ADGRL2: variants seen among roughly 807,000 people sequenced by gnomAD.
ADGRL2 encodes the protein calcium-independent alpha-latrotoxin receptor 2.
ADGRL2 carries 44 observed loss-of-function variants against 157.4 expected under a neutral mutation model. The observed-to-expected ratio is 0.28, with a 90% CI of 0.22 to 0.36. The LOEUF is 0.36. ADGRL2 is among the 10% of genes least tolerant of loss of function. The pLI is 1.00. For synonymous variants in ADGRL2, 585 were observed against 624.7 expected (o/e 0.94, Z 0.95); for missense variants, 1,510 against 1,768.9 (o/e 0.85, Z 2.63).
At chr1:81,762,818 C>T (rs544953563) in intron 2 of ADGRL2, among the ~76,000 whole-genome samples, 6 of 151,636 alleles carry the variant, frequency 4.0e-5, no homozygotes, top group Admixed American at 1.3e-4. Flanking sequence ...TTTGAGAGGC[C>T]GAGGCAGGCA....
chr1:81,328,924 C>T (rs185611914), intron 1 of ADGRL2, among the ~76,000 whole-genome samples: 1 of 150,870 alleles, frequency 6.6e-6, no homozygotes, highest in East Asian at 2.0e-4. Context: ...TTTTCATTTC[C>T]TTTGTTATTA....
chr1:81,501,412 A>G lies in ADGRL2; in HGVS notation c.-248+56323A>G, dbSNP rs76111081. Among the ~76,000 whole-genome samples, 1,371 of 152,314 alleles carry G rather than the reference A, an allele frequency of 9.0e-3. 9 individuals are homozygous for G. The highest frequency in any genetic ancestry group is 0.012 in the African/African-American group (509 of 41,572). On this transcript the variant is annotated intron_variant, in intron 2 of 24. Coordinates refer to the ADGRL2 transcript ENST00000370721. The stretch of plus-strand genomic sequence containing the variant: ...ATCTCCTATGTGTGTTGAGAGTTCA[A>G]TGCAAGTTATTTCTGCTTAGAGCTG...
At chr1:81,820,294 A>G (rs2090853674) in intron 1 of ADGRL2, among the ~76,000 whole-genome samples, 1 of 152,186 alleles carries the variant, frequency 6.6e-6, no homozygotes, top group African/African-American at 2.4e-5. Flanking sequence ...GCATGGATAT[A>G]AGAATGATAA....
At chr1:81,861,676 G>A (rs924084735) in intron 2 of ADGRL2, among the ~76,000 whole-genome samples, 4 of 152,150 alleles carry the variant, frequency 2.6e-5, no homozygotes, top group Non-Finnish European at 2.9e-5. Context: ...ATCACTTGAG[G>A]TCAAGAGTTT....
chr1:81,426,987 C>A, intron 1 of ADGRL2: 4 of 862,880 alleles, frequency 4.6e-6, no homozygotes, highest in Non-Finnish European at 5.8e-6. Flanking sequence ...GATCACGATA[C>A]AGTTGATAAC....
chr1:81,497,712 C>T (rs2147992411), intron 2 of ADGRL2, among the ~76,000 whole-genome samples: 1 of 152,226 alleles, frequency 6.6e-6, no homozygotes, highest in East Asian at 1.9e-4. Flanking sequence ...ATAGATACTT[C>T]ATATAAGAAA....
At chr1:81,773,904 G>A (rs774693119) in intron 2 of ADGRL2, among the ~76,000 whole-genome samples, 35 of 152,122 alleles carry the variant, frequency 2.3e-4, no homozygotes, top group Non-Finnish European at 4.7e-4. Context: ...TCATCGGGGT[G>A]GCCCCAATGC....
chr1:81,858,670 T>G (rs1257201723), intron 2 of ADGRL2, among the ~76,000 whole-genome samples: 1 of 152,116 alleles, frequency 6.6e-6, no homozygotes, highest in Non-Finnish European at 1.5e-5. Context: ...AGAATTGGGG[T>G]TGAGTACTTC....
intron 1 of ADGRL2, among the ~76,000 whole-genome samples, chr1:81,742,189 T>C (rs2085094153): frequency 6.6e-6 from 1 of 152,010 alleles, no homozygotes; most frequent in African/African-American, 2.4e-5. Flanking sequence ...GGGAATAGTA[T>C]GTTTCCTACC....
At chr1:81,336,884 T>G (rs1303409798) in intron 1 of ADGRL2, among the ~76,000 whole-genome samples, 1 of 152,066 alleles carries the variant, frequency 6.6e-6, no homozygotes, top group Non-Finnish European at 1.5e-5. Context: ...TCTCCCATCT[T>G]GTACCCATGA....
At chr1:81,940,624 C>G (rs1647548430) in intron 4 of ADGRL2, among the ~76,000 whole-genome samples, 1 of 151,562 alleles carries the variant, frequency 6.6e-6, no homozygotes, top group Non-Finnish European at 1.5e-5. Context: ...AGAAGGCCAA[C>G]ATTTAATCTT....
At chr1:81,468,083 G>T (rs141876409) in intron 2 of ADGRL2, among the ~76,000 whole-genome samples, 1 of 152,110 alleles carries the variant, frequency 6.6e-6, no homozygotes, top group Non-Finnish European at 1.5e-5. Context: ...TGGTTTTCTC[G>T]AAGATTGAAA....
In ADGRL2 at chr1:81,519,791, CT is replaced by C. The variant is rs1321108058; in HGVS notation, c.-247-61083del. Among the ~76,000 whole-genome samples the C allele has an allele frequency of 3.3e-5, 5 of 152,144 alleles. No homozygotes were observed. The South Asian group carries it at 1.0e-3, about 32-fold the overall frequency. On this transcript the variant is annotated intron_variant, in intron 2 of 24. Transcript: ENST00000370721. Reference sequence around the variant, plus strand: ...GCTAATGACTCATCCTTCAACCTTTCTTGCTTCTTTATTGCCAAGGAGCCCT... The same window carrying C: ...GCTAATGACTCATCCTTCAACCTTTCTGCTTCTTTATTGCCAAGGAGCCCT...
At chr1:81,416,279 A>AACAGGTTCT (rs1230208791) in intron 1 of ADGRL2, among the ~76,000 whole-genome samples, 1 of 151,622 alleles carries the variant, frequency 6.6e-6, no homozygotes, top group African/African-American at 2.4e-5. Context: ...TTTTAAATAT[A>AACAGGTTCT]GAAACTGTAC....
intron 2 of ADGRL2, among the ~76,000 whole-genome samples, chr1:81,494,358 C>T (rs1228626704): frequency 1.3e-5 from 2 of 152,120 alleles, no homozygotes; most frequent in African/African-American, 4.8e-5. Context: ...GTCCCTTATC[C>T]TTCTTCTGAA....
chr1:81,878,347 T>A (rs993654334), intron 2 of ADGRL2, among the ~76,000 whole-genome samples: 21 of 111,254 alleles, frequency 1.9e-4, no homozygotes, highest in Non-Finnish European at 3.6e-4. Flanking sequence ...AATTGTTTGC[T>A]TTGTAATATA....
intron 1 of ADGRL2, among the ~76,000 whole-genome samples, chr1:81,709,954 C>A (rs1158086337): frequency 6.6e-6 from 1 of 152,176 alleles, no homozygotes; most frequent in Non-Finnish European, 1.5e-5. Context: ...CCGTCCCCCT[C>A]ACCAACTCAA....
At chr1:81,622,358 G>A (rs373842328) in intron 3 of ADGRL2, among the ~76,000 whole-genome samples, 67 of 151,030 alleles carry the variant, frequency 4.4e-4, no homozygotes, top group Admixed American at 1.4e-3. Flanking sequence ...CGAGGCTGGC[G>A]GATCACAAGG....
intron 3 of ADGRL2, among the ~76,000 whole-genome samples, chr1:81,927,274 T>C (rs2095128779): frequency 1.3e-5 from 2 of 151,980 alleles, no homozygotes; most frequent in Admixed American, 1.3e-4. Context: ...TCTGTTTCTC[T>C]TATACACTAT....
Sources: allele counts gnomAD v4.1 joint callset (sites outside exome capture counted in the v4.1 genomes callset), GRCh38; gene constraint gnomAD v4.1.1; transcripts MANE v1.5; gene names NCBI Gene and HGNC (gene_info 2026-07-23, HGNC 2026-07-21).